Variants in CDH13 observed in about 807,000 individuals in gnomAD.
The protein encoded by CDH13 is cadherin-13.
In CDH13, 24 loss-of-function variants were observed where a neutral mutation model predicts 63.8. That is an observed-to-expected ratio of 0.38 (90% CI 0.27 to 0.53). CDH13 has a LOEUF of 0.53. Among genes scored for constraint, CDH13 ranks in the 20% least tolerant of loss-of-function variants. The probability of loss-of-function intolerance (pLI) is 0.85; values close to 1 mark genes in which losing one functional copy is unlikely to be tolerated. For synonymous variants in CDH13, 503 were observed against 355.3 expected (o/e 1.42, Z -4.67); for missense variants, 1,049 against 903.1 (o/e 1.16, Z -2.07).
chr16:82,941,848 A>T (rs1904291350), intron 2 of CDH13, among the ~76,000 whole-genome samples: 1 of 152,146 alleles, frequency 6.6e-6, no homozygotes, highest in South Asian at 2.1e-4. Flanking sequence ...ACTTATATTC[A>T]TACCCAGGAA....
intron 1 of CDH13, among the ~76,000 whole-genome samples, chr16:82,822,012 C>A (rs188167361): frequency 7.8e-4 from 118 of 152,250 alleles, no homozygotes; most frequent in African/African-American, 2.6e-3. Flanking sequence ...CTTAGTAATG[C>A]CTATGGCTAT....
chr16:82,885,689 T>C (rs527640569), intron 2 of CDH13, among the ~76,000 whole-genome samples: 9 of 152,166 alleles, frequency 5.9e-5, no homozygotes, highest in Non-Finnish European at 1.3e-4. Context: ...TAAAATGTAG[T>C]GCATTGGTTA....
intron 2 of CDH13, among the ~76,000 whole-genome samples, chr16:82,961,142 G>A (rs529826957): frequency 5.3e-5 from 8 of 152,266 alleles, no homozygotes; most frequent in East Asian, 1.9e-4. Flanking sequence ...AGCTGAATCC[G>A]ACTCAGGCTT....
intron 10 of CDH13, among the ~76,000 whole-genome samples, chr16:83,720,773 C>T (rs923164675): frequency 3.3e-5 from 5 of 152,164 alleles, no homozygotes; most frequent in African/African-American, 1.2e-4. Flanking sequence ...TGATGCAATC[C>T]CAAACCCAGG....
intron 1 of CDH13, among the ~76,000 whole-genome samples, chr16:82,718,475 G>C (rs139712487): frequency 1.3e-5 from 2 of 152,310 alleles, no homozygotes; most frequent in Non-Finnish European, 2.9e-5. Context: ...GGATGGTGAA[G>C]AAGAAGGAGA....
At chr16:83,613,481 T>C (rs983702471) in intron 8 of CDH13, among the ~76,000 whole-genome samples, 6 of 152,214 alleles carry the variant, frequency 3.9e-5, no homozygotes, top group African/African-American at 1.4e-4. Flanking sequence ...TCTGTTGAGC[T>C]ATTTTTAAGC....
At chr16:82,849,429 G>T (rs972149949) in intron 1 of CDH13, among the ~76,000 whole-genome samples, 1 of 152,142 alleles carries the variant, frequency 6.6e-6, no homozygotes, top group African/African-American at 2.4e-5. Context: ...TTGAACCAGG[G>T]AGTAGGAGGT....
At chr16:82,664,327 A>T (rs1360551991) in intron 1 of CDH13, among the ~76,000 whole-genome samples, 1 of 152,236 alleles carries the variant, frequency 6.6e-6, no homozygotes, top group African/African-American at 2.4e-5. Flanking sequence ...TTGTCTCTCC[A>T]GGCTCCTGAC....
At chr16:83,406,759 C>G (rs1238397730) in intron 6 of CDH13, among the ~76,000 whole-genome samples, 1 of 152,198 alleles carries the variant, frequency 6.6e-6, no homozygotes, top group Non-Finnish European at 1.5e-5. Context: ...AGCTACCACA[C>G]CCAGCCAGCT....
At chr16:83,241,887 G>A (rs1286375955) in intron 5 of CDH13, among the ~76,000 whole-genome samples, 2 of 152,252 alleles carry the variant, frequency 1.3e-5, no homozygotes, top group Middle Eastern at 3.4e-3. Context: ...TGCTTTTTGT[G>A]TCATATATAA....
At chr16:82,696,861 C>T (rs2030360857) in intron 1 of CDH13, among the ~76,000 whole-genome samples, 1 of 152,176 alleles carries the variant, frequency 6.6e-6, no homozygotes, top group South Asian at 2.1e-4. Context: ...AAATAGGAGT[C>T]ATCTGCAGGC....
intron 6 of CDH13, among the ~76,000 whole-genome samples, chr16:83,375,772 G>T (rs2091448875): frequency 6.6e-6 from 1 of 152,136 alleles, no homozygotes; most frequent in Non-Finnish European, 1.5e-5. Context: ...CTTGTTGCAG[G>T]AAGAATGAAC....
At chr16:83,367,577 T>C (rs976138950) in intron 6 of CDH13, among the ~76,000 whole-genome samples, 1 of 152,242 alleles carries the variant, frequency 6.6e-6, no homozygotes, top group Non-Finnish European at 1.5e-5. Flanking sequence ...GCAGACTGTG[T>C]TTCAAAGCAG....
At chr16:82,798,424 T>G (rs1379067155) in intron 1 of CDH13, among the ~76,000 whole-genome samples, 2 of 152,206 alleles carry the variant, frequency 1.3e-5, no homozygotes, top group African/African-American at 2.4e-5. Flanking sequence ...GTAGTTCTGC[T>G]TTCAATACAG....
At chr16:83,071,485 C>A (rs1472159935) in intron 3 of CDH13, among the ~76,000 whole-genome samples, 1 of 152,166 alleles carries the variant, frequency 6.6e-6, no homozygotes, top group Non-Finnish European at 1.5e-5. Flanking sequence ...GGGCCAGACC[C>A]TTTGCTCTCT....
chr16:82,749,009 T>G (rs2034299332), intron 1 of CDH13, among the ~76,000 whole-genome samples: 1 of 152,108 alleles, frequency 6.6e-6, no homozygotes, highest in Non-Finnish European at 1.5e-5. Flanking sequence ...GGAAATTAAT[T>G]TGAATGTTGC....
intron 6 of CDH13, among the ~76,000 whole-genome samples, chr16:83,418,299 C>T (rs1209367349): frequency 6.6e-6 from 1 of 152,052 alleles, no homozygotes; most frequent in Non-Finnish European, 1.5e-5. Flanking sequence ...CTTGTCAGTA[C>T]CCAGTAACTG....
chr16:83,729,500 C>A (rs182302871), intron 10 of CDH13, among the ~76,000 whole-genome samples: 4 of 152,122 alleles, frequency 2.6e-5, no homozygotes, highest in Non-Finnish European at 4.4e-5. Flanking sequence ...TAGCCAGATA[C>A]CACTACTCCT....
chr16:83,194,127 G>C (rs2038805684), intron 4 of CDH13, among the ~76,000 whole-genome samples: 1 of 152,224 alleles, frequency 6.6e-6, no homozygotes, highest in African/African-American at 2.4e-5. Flanking sequence ...CGAATATGAA[G>C]AATGGTTTTT....
Sources: gnomAD v4.1 joint callset for allele counts (sites outside exome capture counted in the v4.1 genomes callset) on GRCh38, gnomAD v4.1.1 for gene constraint, MANE v1.5 for transcripts, NCBI Gene and HGNC (gene_info 2026-07-23, HGNC 2026-07-21) for gene names.